Variants in CAMTA1 observed in about 807,000 individuals in gnomAD.
CAMTA1 encodes the protein calmodulin-binding transcription activator 1.
In CAMTA1, 27 loss-of-function variants were observed where a neutral mutation model predicts 170.9. The ratio of observed to expected loss-of-function variants is 0.16; its 90% CI spans 0.12 to 0.22. CAMTA1 has a LOEUF of 0.22. Among genes scored for constraint, CAMTA1 ranks in the 10% least tolerant of loss-of-function variants. The pLI is 1.00. For missense variants in CAMTA1, 1,619 were observed against 2,217.2 expected (o/e 0.73, Z 5.42); for synonymous variants, 833 against 891.5 (o/e 0.93, Z 1.17).
chr1:7,628,713 C>T (rs558527771), intron 6 of CAMTA1, among the ~76,000 whole-genome samples: 1 of 152,364 alleles, frequency 6.6e-6, no homozygotes, highest in African/African-American at 2.4e-5. Context: ...TGAGCAGGCA[C>T]ACCAGCTCTG....
intron 5 of CAMTA1, among the ~76,000 whole-genome samples, chr1:7,272,515 C>T (rs928675566): frequency 6.6e-6 from 1 of 151,610 alleles, no homozygotes; most frequent in African/African-American, 2.4e-5. Context: ...CTATGGTAAT[C>T]AAGTCAGTGA....
chr1:7,200,655 G>A (rs974737249), intron 4 of CAMTA1, among the ~76,000 whole-genome samples: 1 of 152,150 alleles, frequency 6.6e-6, no homozygotes, highest in African/African-American at 2.4e-5. Flanking sequence ...ATTACACAGT[G>A]TTGTCCAAAA....
chr1:7,717,793 C>T (rs769659474), intron 11 of CAMTA1, among the ~76,000 whole-genome samples: 18 of 152,060 alleles, frequency 1.2e-4, no homozygotes, highest in African/African-American at 4.1e-4. Context: ...GAAGGAGCTG[C>T]TTTTAATAAC....
chr1:7,546,236 G>A (rs893145588), intron 6 of CAMTA1, among the ~76,000 whole-genome samples: 4 of 152,144 alleles, frequency 2.6e-5, no homozygotes, highest in African/African-American at 9.7e-5. Flanking sequence ...GATTACAGGC[G>A]TGAGCCACTG....
At chr1:6,886,209 A>G (rs1473046899) in intron 3 of CAMTA1, 3 of 455,668 alleles carry the variant, frequency 6.6e-6, no homozygotes, top group Non-Finnish European at 1.3e-5. Flanking sequence ...TTGGAGGAAG[A>G]GAAGAATAAA....
rs543382066 is a variant in CAMTA1, at chr1:7,115,838, C to G, written c.302+24467C>G. Among the ~76,000 whole-genome samples, 6 of 152,278 alleles carry G rather than the reference C, an allele frequency of 3.9e-5. No individual in the cohort carries two copies. The East Asian group carries it at 1.2e-3, about 29-fold the overall frequency. On this transcript the variant is annotated intron_variant, in intron 4 of 22. Coordinates refer to ENST00000303635, the MANE Select transcript of CAMTA1 (RefSeq NM_015215.4). ...AGTCAAGCAGGAGGGCATCTTCTCA[C>G]TCATGGGAGGGGCAGCTTTTGCTTT...
chr1:7,695,433 A>G (rs2096365842), intron 11 of CAMTA1, among the ~76,000 whole-genome samples: 1 of 152,120 alleles, frequency 6.6e-6, no homozygotes, highest in Non-Finnish European at 1.5e-5. Context: ...GCTCATTTTT[A>G]TATTTGGTGA....
At chr1:6,817,381 T>C (rs1053904395) in intron 1 of CAMTA1, among the ~76,000 whole-genome samples, 1 of 152,218 alleles carries the variant, frequency 6.6e-6, no homozygotes, top group Non-Finnish European at 1.5e-5. Flanking sequence ...AAATGAGGTA[T>C]TACATTCATG....
chr1:7,095,270 A>G (rs955687542), intron 4 of CAMTA1, among the ~76,000 whole-genome samples: 6 of 152,160 alleles, frequency 3.9e-5, no homozygotes, highest in Admixed American at 2.6e-4. Context: ...CACCTCCCAG[A>G]CCCTCAAGAA....
intron 3 of CAMTA1, among the ~76,000 whole-genome samples, chr1:6,833,161 T>A (rs186303129): frequency 6.6e-6 from 1 of 152,308 alleles, no homozygotes; most frequent in Admixed American, 6.5e-5. Context: ...ACCCTCAGAG[T>A]ACAGCAATAT....
intron 3 of CAMTA1, among the ~76,000 whole-genome samples, chr1:6,968,972 G>A (rs1411068438): frequency 6.6e-6 from 1 of 152,124 alleles, no homozygotes; most frequent in Non-Finnish European, 1.5e-5. Flanking sequence ...TGTCTCCAAG[G>A]AGCTAGTCTG....
rs1427794109 is a variant in CAMTA1, at chr1:7,588,725, A to G, written c.511-51675A>G. Among the ~76,000 whole-genome samples, 1 of 152,164 alleles carries G rather than the reference A, an allele frequency of 6.6e-6. No individual in the cohort carries two copies. Among genetic ancestry groups the G allele is most frequent in the East Asian group, 1.9e-4 (1 of 5,168 alleles). The stretch of plus-strand genomic sequence containing the variant: ...GACCTCTGCTCTCTGCCAGTGAGGT[A>G]CCTGCCCCTGGAGCGGGACCAACAG... On this transcript the variant is annotated intron_variant, in intron 6 of 22. Transcript: ENST00000303635. This position sits in a 1 kb window ranked among gnomAD's most constrained non-coding sequence, Gnocchi z 5.8.
chr1:7,044,641 ATTTGGAGCC>A lies in CAMTA1; in HGVS notation c.235-46661_235-46653del, dbSNP rs1414221490. ...TCCTCTCCGACCTTGGAGACCTGGC[ATTTGGAGCC>A]TGAATGAGCCAGAGACAGGAAGCCT... is the stretch of plus-strand genomic sequence containing the variant. On this transcript the variant is annotated intron_variant, in intron 3 of 22. Transcript: ENST00000303635. The surrounding 1 kb of genome is among the most constrained non-coding windows in gnomAD (Gnocchi z 5.0). Among the ~76,000 whole-genome samples, 1 of 152,228 alleles carries A rather than the reference ATTTGGAGCC, an allele frequency of 6.6e-6. No homozygotes were observed.
At chr1:6,786,440 C>T (rs1458415305) in intron 1 of CAMTA1, among the ~76,000 whole-genome samples, 1 of 152,106 alleles carries the variant, frequency 6.6e-6, no homozygotes, top group Non-Finnish European at 1.5e-5. Flanking sequence ...CACAGGGGTC[C>T]GTCTGATCTG....
chr1:7,424,114 G>T (rs562431450), intron 5 of CAMTA1, among the ~76,000 whole-genome samples: 1 of 152,100 alleles, frequency 6.6e-6, no homozygotes. Context: ...CCGTCCCCAC[G>T]TGGGCTCTGT....
intron 5 of CAMTA1, among the ~76,000 whole-genome samples, chr1:7,409,975 G>A (rs2090596338): frequency 6.6e-6 from 1 of 152,122 alleles, no homozygotes. Flanking sequence ...AAGGAGCCGG[G>A]TACCCTCAGC....
chr1:7,217,070 C>T (rs1230479912), intron 4 of CAMTA1, among the ~76,000 whole-genome samples: 1 of 152,182 alleles, frequency 6.6e-6, no homozygotes, highest in Non-Finnish European at 1.5e-5. Context: ...TGTGTCTCCA[C>T]CCAAATCTCA....
At chr1:7,733,599 A>AT (rs2149944851) in intron 12 of CAMTA1, among the ~76,000 whole-genome samples, 1 of 152,230 alleles carries the variant, frequency 6.6e-6, no homozygotes, top group South Asian at 2.1e-4. Context: ...GGGAGAAATT[A>AT]TTTCTCAGGG....
At chr1:6,879,613 CTT>C (rs58610375) in intron 3 of CAMTA1, among the ~76,000 whole-genome samples, 25 of 132,836 alleles carry the variant, frequency 1.9e-4, no homozygotes, top group Admixed American at 2.4e-4. Flanking sequence ...TTCCTTTTTT[CTT>C]TTTTTTTTTT....
Sources: allele counts gnomAD v4.1 joint callset (sites outside exome capture counted in the v4.1 genomes callset), GRCh38; gene constraint gnomAD v4.1.1; non-coding constraint Gnocchi (gnomAD v3.1); transcripts MANE v1.5; gene names NCBI Gene and HGNC (gene_info 2026-07-23, HGNC 2026-07-21).